AIM2: variants seen among roughly 807,000 people sequenced by gnomAD.
AIM2 encodes interferon-inducible protein AIM2.
AIM2 carries 30 observed loss-of-function variants against 27.7 expected under a neutral mutation model. The ratio of observed to expected loss-of-function variants is 1.08; its 90% CI spans 0.81 to 1.47. The LOEUF (loss-of-function observed/expected upper bound fraction) is 1.47. AIM2 is among the 40% of genes most tolerant of loss of function. AIM2 has a pLI of 0.00. For synonymous variants in AIM2, 141 were observed against 145.3 expected, an observed-to-expected ratio of 0.97 and a Z score of 0.21; for missense variants, 358 against 411.3, an observed-to-expected ratio of 0.87 and a Z score of 1.12.
chr1:159,115,119 C>T (rs1223698778), intron 1 of AIM2, among the ~76,000 whole-genome samples: 1 of 152,154 alleles, frequency 6.6e-6, no homozygotes, highest in Admixed American at 6.5e-5. Context: ...AGGAATCCAA[C>T]TTACAAGGGA....
intron 1 of AIM2, among the ~76,000 whole-genome samples, chr1:159,115,331 T>TAC (rs1366537583): frequency 8.5e-5 from 13 of 152,190 alleles, no homozygotes; most frequent in African/African-American, 1.2e-4. Flanking sequence ...TGGAAAAAAC[T>TAC]ACTTTAAAGT....
intron 1 of AIM2, among the ~76,000 whole-genome samples, chr1:159,093,016 G>A (rs1311954582): frequency 1.4e-5 from 2 of 147,064 alleles, no homozygotes; most frequent in Admixed American, 7.1e-5. Flanking sequence ...ACAGAGTGAC[G>A]CTCCGTCTCA....
upstream of AIM2, chr1:159,081,365 G>C (rs530154405): frequency 4.9e-4 from 142 of 291,304 alleles, no homozygotes; most frequent in Non-Finnish European, 8.0e-4. Context: ...AAAAATCTTT[G>C]GAAGTCAAAT....
intron 2 of AIM2, among the ~76,000 whole-genome samples, chr1:159,071,036 C>T (rs1292864576): frequency 1.3e-5 from 2 of 152,204 alleles, no homozygotes; most frequent in East Asian, 3.8e-4. Context: ...CACATTGTTA[C>T]TGATTATTTC....
intron 1 of AIM2, among the ~76,000 whole-genome samples, chr1:159,107,785 C>T (rs190250119): frequency 3.9e-5 from 6 of 152,114 alleles, no homozygotes; most frequent in South Asian, 2.1e-4. Context: ...CCTTTACGTG[C>T]ATAAACTAGA....
chr1:159,118,239 G>C (rs960271905), intron 1 of AIM2, among the ~76,000 whole-genome samples: 9 of 152,126 alleles, frequency 5.9e-5, no homozygotes, highest in African/African-American at 1.9e-4. Context: ...TTTTAAACCA[G>C]AATAAAACGA....
intron 1 of AIM2, among the ~76,000 whole-genome samples, chr1:159,075,534 TACACAC>T (rs55988373): frequency 0.044 from 5,678 of 129,444 alleles, 134 homozygotes; most frequent in Non-Finnish European, 0.053. Context: ...ATACCTGCAA[TACACAC>T]ACACACACAC....
chr1:159,067,782 A>G (rs1439414321), intron 3 of AIM2, among the ~76,000 whole-genome samples: 1 of 152,060 alleles, frequency 6.6e-6, no homozygotes, highest in Non-Finnish European at 1.5e-5. Context: ...TAGAGCTCAC[A>G]CAGGTATAAA....
At chr1:159,060,485 A>G (rs1433026147), downstream of AIM2, among the ~76,000 whole-genome samples, 2 of 152,218 alleles carry the variant, frequency 1.3e-5, no homozygotes, top group African/African-American at 4.8e-5. Context: ...TGTAGTCATG[A>G]AACTACCACA....
Position 159,093,901 on chromosome 1 carries a change from A to ATT in AIM2, c.-15-27574_-15-27573dup, listed in dbSNP as rs71084302. ...CAGGCGCCTACCACCATGCCTGGAT[A>ATT]TTTTTTTTTTTTTGTATTTTAGTAG... On this transcript the variant is annotated intron_variant, in intron 1 of 2. Transcript: ENST00000368129. Among the ~76,000 whole-genome samples the ATT allele has an allele frequency of 2.7e-3, 392 of 143,096 alleles. 1 individual carries two copies. Among genetic ancestry groups the ATT allele is most frequent in the Non-Finnish European group, 4.1e-3 (271 of 65,894 alleles). 93.9% of individuals were successfully genotyped at this position (143,096 alleles called of 152,430 possible).
chr1:159,128,654 G>T (rs968662785), intron 1 of AIM2, among the ~76,000 whole-genome samples: 1 of 151,746 alleles, frequency 6.6e-6, no homozygotes, highest in South Asian at 2.1e-4. Context: ...CTCTTTCCAG[G>T]ATCTAGATAC....
chr1:159,106,110 G>A (rs949865639), intron 1 of AIM2, among the ~76,000 whole-genome samples: 9 of 152,198 alleles, frequency 5.9e-5, no homozygotes, highest in Non-Finnish European at 1.3e-4. Flanking sequence ...CAGGGAGTGA[G>A]AGCAGGCACT....
At chr1:159,133,123 C>A (rs934375103) in intron 1 of AIM2, among the ~76,000 whole-genome samples, 1 of 152,138 alleles carries the variant, frequency 6.6e-6, no homozygotes, top group Non-Finnish European at 1.5e-5. Context: ...CACTCTGATC[C>A]CCTATCACAT....
upstream of AIM2, chr1:159,081,609 A>C: frequency 2.4e-6 from 1 of 417,122 alleles, no homozygotes; most frequent in Non-Finnish European, 4.9e-6. Flanking sequence ...TCTTCCAAAA[A>C]TAGCATCCAA....
chr1:159,142,751 C>T (rs540010947), upstream of AIM2, among the ~76,000 whole-genome samples: 1 of 152,128 alleles, frequency 6.6e-6, no homozygotes, highest in East Asian at 1.9e-4. Flanking sequence ...CCATAATCAC[C>T]GTTGTTTATA....
chr1:159,088,816 TCC>T (rs1308135996), intron 1 of AIM2, among the ~76,000 whole-genome samples: 2 of 151,694 alleles, frequency 1.3e-5, no homozygotes, highest in African/African-American at 4.9e-5. Flanking sequence ...CTCTGCAGAG[TCC>T]CCACAAGCAA....
At position 159,086,905 on chromosome 1, in the gene AIM2, T is replaced by C. The variant is rs1656926360; in HGVS notation, c.-15-20576A>G. On this transcript the variant is annotated intron_variant, in intron 1 of 2. Transcript: ENST00000368129. ...TTATGACTATCAATATATTGTTTTATGAGGGCTAATGTCTTGTCTGCCTTT... is the reference window on the plus strand; with the variant it reads ...TTATGACTATCAATATATTGTTTTACGAGGGCTAATGTCTTGTCTGCCTTT... Among the ~76,000 whole-genome samples the C allele has an allele frequency of 2.0e-5, 3 of 152,248 alleles. No individual in the cohort carries two copies. In the South Asian group the frequency reaches 6.2e-4, roughly 31 times the overall value.
chr1:159,087,141 T>C (rs1293670377), intron 1 of AIM2, among the ~76,000 whole-genome samples: 1 of 152,202 alleles, frequency 6.6e-6, no homozygotes, highest in Non-Finnish European at 1.5e-5. Flanking sequence ...TTCTCATTCT[T>C]ACTTCCCTTT....
chr1:159,059,331 T>A (rs891072069), downstream of AIM2, among the ~76,000 whole-genome samples: 3 of 152,070 alleles, frequency 2.0e-5, no homozygotes, highest in Admixed American at 1.3e-4. Flanking sequence ...TGTTTAAGAT[T>A]ATTTTGCTCA....
Sources: gnomAD v4.1 joint callset for allele counts (sites outside exome capture counted in the v4.1 genomes callset) on GRCh38, gnomAD v4.1.1 for gene constraint, MANE v1.5 for transcripts, NCBI Gene and HGNC (gene_info 2026-07-23, HGNC 2026-07-21) for gene names.